Variants in LRP1B observed in about 807,000 individuals in gnomAD.
The protein encoded by LRP1B is LDL receptor related protein 1B, also known as low-density lipoprotein receptor-related protein 1B.
LRP1B carries 217 observed loss-of-function variants against 556.6 expected under a neutral mutation model. The observed-to-expected ratio is 0.39, with a 90% CI of 0.35 to 0.44. The LOEUF (loss-of-function observed/expected upper bound fraction) is 0.44. LRP1B is among the 20% of genes least tolerant of loss of function. The probability of loss-of-function intolerance (pLI) is 1.00; values close to 1 mark genes in which losing one functional copy is unlikely to be tolerated. For missense variants in LRP1B, 5,053 were observed against 5,620.8 expected (o/e 0.90, Z 3.23); for synonymous variants, 2,047 against 1,865.8 (o/e 1.10, Z -2.50).
chr2:141,926,017 A>C (rs1254109894), intron 1 of LRP1B, among the ~76,000 whole-genome samples: 2 of 152,238 alleles, frequency 1.3e-5, no homozygotes, highest in African/African-American at 4.8e-5. Context: ...TTAGGTAAGT[A>C]GAAATTATCA....
At chr2:141,435,144 C>G (rs1680714053) in intron 3 of LRP1B, among the ~76,000 whole-genome samples, 2 of 152,124 alleles carry the variant, frequency 1.3e-5, no homozygotes, top group African/African-American at 2.4e-5. Flanking sequence ...TATTTTTAAG[C>G]CTGGCTTGCC....
At chr2:140,614,822 G>A (rs763763087) in intron 41 of LRP1B, among the ~76,000 whole-genome samples, 2 of 152,120 alleles carry the variant, frequency 1.3e-5, no homozygotes, top group African/African-American at 4.8e-5. Flanking sequence ...CCAGGAAAGA[G>A]CTTAAAGCTG....
chr2:141,544,386 TCC>T (rs1685467073), intron 2 of LRP1B, among the ~76,000 whole-genome samples: 40 of 80,330 alleles, frequency 5.0e-4, no homozygotes, highest in Admixed American at 7.6e-4. Flanking sequence ...CTTCTTCTCC[TCC>T]TCCTCCTCCT....
chr2:140,974,720 T>C (rs1188069964), intron 18 of LRP1B, among the ~76,000 whole-genome samples: 1 of 152,136 alleles, frequency 6.6e-6, no homozygotes, highest in Non-Finnish European at 1.5e-5. Context: ...TTAGATCCAA[T>C]ACTAAGGACA....
intron 79 of LRP1B, among the ~76,000 whole-genome samples, chr2:140,330,744 C>T (rs958456978): frequency 4.6e-5 from 7 of 152,044 alleles, no homozygotes; most frequent in African/African-American, 1.7e-4. Flanking sequence ...AACTAAAGTG[C>T]TTCTGCACAG....
rs138493550 is a variant in LRP1B, at chr2:141,390,048, G to A, written c.343+90348C>T. Among the ~76,000 whole-genome samples, 758 of 152,252 alleles carry A rather than the reference G, an allele frequency of 5.0e-3. 9 individuals are homozygous for A. The highest frequency in any genetic ancestry group is 0.018 in the African/African-American group (731 of 41,544). ...AGCTACTCAGGGGGCTGAGGCAAGA[G>A]AATCGCTTGAACCTGGGAGGTGGAG... On this transcript the variant is annotated intron_variant, in intron 3 of 90. Coordinates refer to ENST00000389484, the MANE Select transcript of LRP1B (RefSeq NM_018557.3).
intron 11 of LRP1B, among the ~76,000 whole-genome samples, chr2:141,042,286 T>C (rs1318568914): frequency 2.0e-5 from 3 of 152,092 alleles, no homozygotes; most frequent in Admixed American, 6.6e-5. Context: ...GGCATGCTTA[T>C]TGTTAAGAGA....
chr2:140,369,232 T>G (rs1226733456), intron 71 of LRP1B, among the ~76,000 whole-genome samples: 2 of 151,766 alleles, frequency 1.3e-5, no homozygotes, highest in Non-Finnish European at 2.9e-5. Context: ...ACTGACATAA[T>G]CGGAAGGACA....
At chr2:141,702,569 C>A (rs2028132) in intron 2 of LRP1B, among the ~76,000 whole-genome samples, 63,793 of 151,696 alleles carry the variant, frequency 0.42, 14,180 homozygotes, top group East Asian at 0.68. Flanking sequence ...AGGTGGCCAC[C>A]TGTAGGTCTA....
rs77795324 is a variant in LRP1B at position 141,623,436 on chromosome 2, T to C, written c.206-142903A>G. Among the ~76,000 whole-genome samples, 705 of 152,332 alleles carry C rather than the reference T, an allele frequency of 4.6e-3. 9 individuals are homozygous for C. The highest frequency in any genetic ancestry group is 0.016 in the African/African-American group (679 of 41,576). On this transcript the variant is annotated intron_variant, in intron 2 of 90. Coordinates refer to ENST00000389484, the MANE Select transcript of LRP1B (RefSeq NM_018557.3). Reference sequence around the variant, plus strand: ...GGAATTCCAAAGAAGTGCTTTCTTATGAAATAATTTACACCTTTGTCTTTT... The same window carrying C: ...GGAATTCCAAAGAAGTGCTTTCTTACGAAATAATTTACACCTTTGTCTTTT...
At chr2:141,919,078 A>C (rs1424223283) in intron 1 of LRP1B, among the ~76,000 whole-genome samples, 1 of 152,124 alleles carries the variant, frequency 6.6e-6, no homozygotes, top group Non-Finnish European at 1.5e-5. Flanking sequence ...ATAAGTCAAA[A>C]GGAAATAAAT....
At chr2:141,199,727 T>G (rs1025814453) in intron 6 of LRP1B, among the ~76,000 whole-genome samples, 2 of 151,770 alleles carry the variant, frequency 1.3e-5, no homozygotes, top group Admixed American at 6.6e-5. Flanking sequence ...GTTCAATATC[T>G]AAAATGTTTG....
At chr2:141,899,105 A>C (rs1449707942) in intron 1 of LRP1B, among the ~76,000 whole-genome samples, 1 of 152,144 alleles carries the variant, frequency 6.6e-6, no homozygotes, top group Non-Finnish European at 1.5e-5. Context: ...TGCTAAGTTG[A>C]AACTGAAATT....
chr2:141,989,811 G>GT (rs1186959881), intron 1 of LRP1B, among the ~76,000 whole-genome samples: 1 of 152,062 alleles, frequency 6.6e-6, no homozygotes, highest in Non-Finnish European at 1.5e-5. Context: ...ATGGGGAAGT[G>GT]TAAGTCAATT....
At chr2:141,757,651 A>C (rs1264742200) in intron 2 of LRP1B, among the ~76,000 whole-genome samples, 1 of 152,016 alleles carries the variant, frequency 6.6e-6, no homozygotes. Flanking sequence ...CTCCTGCCTC[A>C]ATCTCCCAAA....
chr2:140,893,994 G>T (rs1451129646), intron 23 of LRP1B, among the ~76,000 whole-genome samples: 2 of 152,190 alleles, frequency 1.3e-5, no homozygotes, highest in African/African-American at 4.8e-5. Context: ...AGACAGAAAG[G>T]TTTGAGGTTA....
At chr2:141,961,992 A>C (rs1041305213) in intron 1 of LRP1B, among the ~76,000 whole-genome samples, 3 of 151,864 alleles carry the variant, frequency 2.0e-5, no homozygotes, top group Admixed American at 2.0e-4. Flanking sequence ...CTCAACAAAG[A>C]CTATTCAGAT....
chr2:142,088,765 G>C (rs1706045432), intron 1 of LRP1B, among the ~76,000 whole-genome samples: 1 of 151,986 alleles, frequency 6.6e-6, no homozygotes, highest in Non-Finnish European at 1.5e-5. Flanking sequence ...CACGAGGTCA[G>C]GAGATCGAGA....
chr2:141,050,826 A>T (rs1699015401), intron 10 of LRP1B, among the ~76,000 whole-genome samples: 1 of 152,134 alleles, frequency 6.6e-6, no homozygotes, highest in Non-Finnish European at 1.5e-5. Flanking sequence ...AAAAGATACT[A>T]GCATCAGAGT....
Sources: allele counts gnomAD v4.1 joint callset (sites outside exome capture counted in the v4.1 genomes callset), GRCh38; gene constraint gnomAD v4.1.1; transcripts MANE v1.5; gene names NCBI Gene and HGNC (gene_info 2026-07-23, HGNC 2026-07-21).